Variants in SLC30A6 observed in about 807,000 individuals in gnomAD.
The protein encoded by SLC30A6 is zinc transporter 6.
SLC30A6 carries 55 observed loss-of-function variants against 63.0 expected under a neutral mutation model. The ratio of observed to expected loss-of-function variants is 0.87; its 90% CI spans 0.70 to 1.09. The LOEUF is 1.09. SLC30A6 is among the 50% of genes least tolerant of loss of function. The pLI is 0.00. For missense variants in SLC30A6, 587 were observed against 549.2 expected, an observed-to-expected ratio of 1.07 and a Z score of -0.69; for synonymous variants, 224 against 186.1, an observed-to-expected ratio of 1.20 and a Z score of -1.66.
chr2:32,201,635 A>C, intron 10 of SLC30A6: 1 of 1,515,510 alleles, frequency 6.6e-7, no homozygotes, highest in East Asian at 2.5e-5. Context: ...ACATTATGGA[A>C]CTGGAAGCAC....
At chr2:32,189,208 A>G (rs1316358203) in intron 5 of SLC30A6, among the ~76,000 whole-genome samples, 1 of 151,652 alleles carries the variant, frequency 6.6e-6, no homozygotes, top group Non-Finnish European at 1.5e-5. Context: ...GAGCAGTTTT[A>G]CCAATTTATA....
intron 12 of SLC30A6, 39 bp from the exon 13 acceptor site, chr2:32,209,454 G>A (rs759408734): frequency 1.3e-6 from 2 of 1,530,782 alleles, no homozygotes; most frequent in Non-Finnish European, 8.9e-7. Flanking sequence ...GATATGTTAA[G>A]TACAGACAAC....
intron 8 of SLC30A6, among the ~76,000 whole-genome samples, chr2:32,195,099 CTTTTTTT>C (rs11453810): frequency 8.0e-6 from 1 of 125,740 alleles, no homozygotes; most frequent in East Asian, 2.3e-4. Context: ...TTATGCCTGG[CTTTTTTT>C]TTTTTTTTTT....
At position 32,174,092 on chromosome 2, in the gene SLC30A6, A is replaced by G. The variant is rs1558371026; in HGVS notation, c.120A>G (p.Ile40Met). ...RSWKILLFGV[I>M]NLICTGFLLM... ...GGAAGATACTGCTCTTTGGTGTAAT[A>G]AACTTGATATGTACTGGCTTCCTGC... is the stretch of plus-strand genomic sequence containing the variant. Residue 40 changes from isoleucine to methionine, a missense_variant, in exon 3 of 14, where the codon ATA (isoleucine) becomes ATG (methionine). Physicochemically the swap from Ile to Met is conservative, Grantham distance 10. Transcript: ENST00000282587. The G allele has an allele frequency of 2.5e-6, 4 of 1,613,722 alleles. No homozygotes were observed. In the East Asian group the frequency reaches 8.9e-5, roughly 36 times the overall value.
chr2:32,184,985 G>T (rs534786681), intron 5 of SLC30A6, among the ~76,000 whole-genome samples: 1 of 152,304 alleles, frequency 6.6e-6, no homozygotes, highest in South Asian at 2.1e-4. Context: ...ATGTGATATA[G>T]TTTAATAATA....
intron 2 of SLC30A6, among the ~76,000 whole-genome samples, chr2:32,171,699 T>TA (rs200620864): frequency 1.5e-5 from 2 of 132,274 alleles, no homozygotes; most frequent in Non-Finnish European, 3.5e-5. Flanking sequence ...TTTATTTATT[T>TA]TTTTTTTTTT....
chr2:32,172,703 C>T (rs1681346453), intron 2 of SLC30A6, among the ~76,000 whole-genome samples: 1 of 152,132 alleles, frequency 6.6e-6, no homozygotes, highest in South Asian at 2.1e-4. Context: ...ATCAGACAGA[C>T]CATTAGTGCT....
At chr2:32,209,662 G>GAT in intron 13 of SLC30A6, 101 bp downstream of exon 13, 1 of 912,562 alleles carries the variant, frequency 1.1e-6, no homozygotes, top group East Asian at 2.7e-5. Context: ...TAGAGCCTTT[G>GAT]ATTCCTAGTT....
At chr2:32,191,533 T>C (rs1683319295) in intron 5 of SLC30A6, among the ~76,000 whole-genome samples, 1 of 152,216 alleles carries the variant, frequency 6.6e-6, no homozygotes, top group Non-Finnish European at 1.5e-5. Flanking sequence ...TCCTGGCCTC[T>C]GGCTTATAGT....
chr2:32,179,803 TAC>T (rs1682125157), intron 4 of SLC30A6, among the ~76,000 whole-genome samples: 1 of 152,150 alleles, frequency 6.6e-6, no homozygotes, highest in Admixed American at 6.6e-5. Flanking sequence ...TGCGTAAATA[TAC>T]ATAGGAAAGA....
At chr2:32,202,758 C>T in intron 10 of SLC30A6, 2 of 710,602 alleles carry the variant, frequency 2.8e-6, no homozygotes, top group South Asian at 1.6e-5. Context: ...TGAAGACAGT[C>T]CTCAGACTTT....
rs1226888633 is a variant in SLC30A6 at position 32,202,682 on chromosome 2, A to G, written c.666-1908A>G. The stretch of plus-strand genomic sequence containing the variant: ...ATGTTGTGCTTGATGAAGTGGATCA[A>G]ATGTTAGAGTTAGGTTTTGCTGAAC... On this transcript the variant is annotated intron_variant, in intron 10 of 13. Coordinates refer to ENST00000282587, the MANE Select transcript of SLC30A6 (RefSeq NM_017964.5). 1.7e-5 allele frequency: 11 copies of G among 653,896 alleles called. No homozygotes were observed. In the East Asian group the frequency reaches 3.4e-4, roughly 20 times the overall value. 40.5% of individuals were successfully genotyped at this position (653,896 alleles called of 1,614,324 possible).
At chr2:32,192,110 CTCTT>C (rs1683382479) in intron 5 of SLC30A6, among the ~76,000 whole-genome samples, 1 of 151,234 alleles carries the variant, frequency 6.6e-6, no homozygotes, top group Non-Finnish European at 1.5e-5. Context: ...AAGGTGCTCT[CTCTT>C]CTGAGTCCTA....
intron 10 of SLC30A6, 144 bp downstream of exon 10, chr2:32,197,970 C>A: frequency 1.0e-6 from 1 of 952,914 alleles, no homozygotes; most frequent in Non-Finnish European, 1.5e-6. Context: ...CCTTAGGTGT[C>A]TTCATCTGAA....
At position 32,196,370 on chromosome 2, in the gene SLC30A6, A is replaced by G. The variant is rs1041880516; in HGVS notation, c.497-974A>G. Among the ~76,000 whole-genome samples, 9 of 152,146 alleles carry G rather than the reference A, an allele frequency of 5.9e-5. No homozygotes were observed. In the South Asian group the frequency reaches 1.5e-3, roughly 25 times the overall value. ...GAAATTACTTGAAATTTGAGTGGGA[A>G]ATAATATTAAGTACTTTCTATATGC... On this transcript the variant is annotated intron_variant, in intron 8 of 13. Coordinates refer to ENST00000282587, the MANE Select transcript of SLC30A6 (RefSeq NM_017964.5).
At position 32,181,589 on chromosome 2, in the gene SLC30A6, G is replaced by A. The variant is rs116078281; in HGVS notation, c.219-2684G>A. On this transcript the variant is annotated intron_variant, in intron 4 of 13. Coordinates refer to ENST00000282587, the MANE Select transcript of SLC30A6 (RefSeq NM_017964.5). Reference sequence around the variant, plus strand: ...ACAATTAATAATTGAAGCTTTGGCCGGGCGAGGTGGCTCACGCCTGTAATC... The same window carrying A: ...ACAATTAATAATTGAAGCTTTGGCCAGGCGAGGTGGCTCACGCCTGTAATC... Among the ~76,000 whole-genome samples the A allele has an allele frequency of 5.9e-3, 902 of 152,130 alleles. 11 individuals are homozygous for A. The highest frequency in any genetic ancestry group is 0.02 in the African/African-American group (841 of 41,490).
Position 32,220,342 on chromosome 2 carries a change from C to T in SLC30A6, c.1015C>T (p.Pro339Ser), listed in dbSNP as rs867776678. The T allele has an allele frequency of 1.2e-6, 2 of 1,614,162 alleles. No homozygotes were observed. The highest frequency in any genetic ancestry group is 1.7e-6 in the Non-Finnish European group (2 of 1,180,022). Reference sequence around the variant, plus strand: ...AATTTTCAAGGATGACTGGATTAGGCCTGCCTTATTGTCTGGGCCTGTTGC... The same window carrying T: ...AATTTTCAAGGATGACTGGATTAGGTCTGCCTTATTGTCTGGGCCTGTTGC... ...VQIFKDDWIR[P>S]ALLSGPVAAN... The change falls in exon 14 of 14, where the codon CCT (proline) becomes TCT (serine). Residue 339 changes from proline (P) to serine (S), a missense_variant. Transcript: ENST00000282587.
intron 4 of SLC30A6, among the ~76,000 whole-genome samples, chr2:32,178,198 C>T (rs1325099845): frequency 1.3e-5 from 2 of 151,942 alleles, no homozygotes; most frequent in African/African-American, 2.4e-5. Context: ...CCGCCCGCCT[C>T]GGCTTCCCAA....
At chr2:32,165,957 A>C in intron 1 of SLC30A6, 54 bp downstream of exon 1, 1 of 1,613,716 alleles carries the variant, frequency 6.2e-7, no homozygotes, top group South Asian at 1.1e-5. Context: ...GGTTTATCTT[A>C]TTTGGTCCCG....
Sources: allele counts gnomAD v4.1 joint callset (sites outside exome capture counted in the v4.1 genomes callset), GRCh38; gene constraint gnomAD v4.1.1; transcripts MANE v1.5; gene names NCBI Gene and HGNC (gene_info 2026-07-23, HGNC 2026-07-21).